The following MACROD2 variants were observed in gnomAD, a reference collection of about 807,000 sequenced individuals.
MACROD2 encodes mono-ADP ribosylhydrolase 2, also known as ADP-ribose glycohydrolase MACROD2.
A neutral mutation model predicts 70.4 loss-of-function variants in MACROD2; 36 were observed. The observed-to-expected ratio is 0.51, with a 90% CI of 0.39 to 0.68. The LOEUF is 0.68. Among genes scored for constraint, MACROD2 ranks in the 30% least tolerant of loss-of-function variants. The probability of loss-of-function intolerance (pLI) is 0.00; values close to 1 mark genes in which losing one functional copy is unlikely to be tolerated. For synonymous variants in MACROD2, 172 were observed against 178.8 expected (o/e 0.96, Z 0.30); for missense variants, 496 against 538.4 (o/e 0.92, Z 0.78).
chr20:14,348,198 G>A (rs1003895212), intron 3 of MACROD2, among the ~76,000 whole-genome samples: 1 of 151,718 alleles, frequency 6.6e-6, no homozygotes, highest in African/African-American at 2.4e-5. Context: ...GAGCCCAGGA[G>A]GTGGAGGTTG....
chr20:15,971,347 G>T (rs2066227633), intron 13 of MACROD2, among the ~76,000 whole-genome samples: 1 of 152,116 alleles, frequency 6.6e-6, no homozygotes, highest in South Asian at 2.1e-4. Context: ...AATCACAGGG[G>T]TGGGCGTTCC....
chr20:15,711,680 C>T (rs2050630873), intron 8 of MACROD2, among the ~76,000 whole-genome samples: 2 of 152,132 alleles, frequency 1.3e-5, no homozygotes, highest in Non-Finnish European at 2.9e-5. Context: ...AAAAACAGGT[C>T]GATGCTAGTA....
chr20:14,967,660 G>A (rs556062087), intron 5 of MACROD2, among the ~76,000 whole-genome samples: 103 of 152,182 alleles, frequency 6.8e-4, no homozygotes, highest in South Asian at 4.4e-3. Flanking sequence ...ATTGTTTCCT[G>A]TTTAAGTAAA....
At chr20:15,822,916 A>G (rs1044728027) in intron 8 of MACROD2, among the ~76,000 whole-genome samples, 2 of 152,176 alleles carry the variant, frequency 1.3e-5, no homozygotes, top group Non-Finnish European at 2.9e-5. Flanking sequence ...GTGTTCTGTG[A>G]TGCTCAGTAA....
chr20:15,649,207 CTTCTTTCT>C (rs146662837), intron 8 of MACROD2, among the ~76,000 whole-genome samples: 23,513 of 137,424 alleles, frequency 0.17, 2,187 homozygotes, highest in Non-Finnish European at 0.2. Flanking sequence ...TCTTTCTTTC[CTTCTTTCT>C]TTCTTTCTTT....
At chr20:14,730,491 G>C (rs976016470) in intron 5 of MACROD2, among the ~76,000 whole-genome samples, 5 of 152,116 alleles carry the variant, frequency 3.3e-5, no homozygotes, top group African/African-American at 9.7e-5. Context: ...AAGCTTCAGA[G>C]TGCTGGGAAC....
chr20:14,585,471 T>G (rs1296520935), intron 4 of MACROD2, among the ~76,000 whole-genome samples: 1 of 152,264 alleles, frequency 6.6e-6, no homozygotes, highest in East Asian at 1.9e-4. Flanking sequence ...GGTGCTTTAG[T>G]GCAATGACTT....
chr20:15,661,748 T>G (rs970491702), intron 8 of MACROD2, among the ~76,000 whole-genome samples: 1 of 152,142 alleles, frequency 6.6e-6, no homozygotes, highest in Non-Finnish European at 1.5e-5. Context: ...ATGGCAATAG[T>G]GTCAAGGATG....
intron 8 of MACROD2, among the ~76,000 whole-genome samples, chr20:15,564,851 T>A (rs1397363871): frequency 6.6e-6 from 1 of 152,230 alleles, no homozygotes; most frequent in African/African-American, 2.4e-5. Flanking sequence ...ATCTTGCCAC[T>A]TTACTTTTAA....
At chr20:14,171,490 T>A (rs988318741) in intron 3 of MACROD2, among the ~76,000 whole-genome samples, 1 of 152,218 alleles carries the variant, frequency 6.6e-6, no homozygotes, top group Non-Finnish European at 1.5e-5. Flanking sequence ...TGGACTTTCC[T>A]CCTAGTGCCA....
intron 5 of MACROD2, among the ~76,000 whole-genome samples, chr20:14,916,358 G>C (rs142101240): frequency 6.6e-6 from 1 of 152,168 alleles, no homozygotes; most frequent in Admixed American, 6.5e-5. Flanking sequence ...GGTGAGGGTA[G>C]GGGTGGGGTT....
At chr20:15,124,017 T>C (rs1469326603) in intron 5 of MACROD2, among the ~76,000 whole-genome samples, 1 of 152,200 alleles carries the variant, frequency 6.6e-6, no homozygotes, top group Non-Finnish European at 1.5e-5. Context: ...GATATTTCCA[T>C]GACTATATTC....
rs547466335 is a variant in MACROD2 at position 15,054,089 on chromosome 20, C to T, written c.419-175851C>T. 2.3e-4 allele frequency among the ~76,000 whole-genome samples: 35 copies of T among 152,248 alleles called. 1 individual carries two copies. Among genetic ancestry groups the T allele is most frequent in the African/African-American group, 8.2e-4 (34 of 41,554 alleles). ...GAATGGATGAGGGAATTGCTTCTTACGGATGAGCAAAGAAACTGGTTTATT... is the reference window on the plus strand; with the variant it reads ...GAATGGATGAGGGAATTGCTTCTTATGGATGAGCAAAGAAACTGGTTTATT... On this transcript the variant is annotated intron_variant, in intron 5 of 17. Transcript: ENST00000684519.
At chr20:14,840,826 T>A (rs557571153) in intron 5 of MACROD2, among the ~76,000 whole-genome samples, 1 of 152,202 alleles carries the variant, frequency 6.6e-6, no homozygotes, top group East Asian at 1.9e-4. Context: ...TATTTTATCA[T>A]GATTCTGATA....
Position 14,896,682 on chromosome 20 carries a change from G to A in MACROD2, c.418+211723G>A, listed in dbSNP as rs142304808. 1.8e-3 allele frequency among the ~76,000 whole-genome samples: 279 copies of A among 152,068 alleles called. 2 individuals are homozygous for A. The highest frequency in any genetic ancestry group is 6.5e-3 in the African/African-American group (268 of 41,498). On this transcript the variant is annotated intron_variant, in intron 5 of 17. Transcript: ENST00000684519. Reference sequence around the variant, plus strand: ...AAAAAATGACATCAAGCATTGATCTGCCTGAATAAAGCAATTCTACCAGTT... The same window carrying A: ...AAAAAATGACATCAAGCATTGATCTACCTGAATAAAGCAATTCTACCAGTT...
At chr20:15,476,851 T>C (rs2047028652) in intron 7 of MACROD2, among the ~76,000 whole-genome samples, 1 of 152,182 alleles carries the variant, frequency 6.6e-6, no homozygotes, top group Admixed American at 6.5e-5. Context: ...TTGATAAATG[T>C]GTTTGATTTC....
At chr20:14,287,054 T>C (rs2082350941) in intron 3 of MACROD2, among the ~76,000 whole-genome samples, 1 of 152,178 alleles carries the variant, frequency 6.6e-6, no homozygotes, top group Non-Finnish European at 1.5e-5. Flanking sequence ...GATAGGTCTG[T>C]TTTCTGTAGG....
chr20:15,431,300 A>G (rs2046360937), intron 6 of MACROD2, 105 bp from the exon 7 acceptor site: 3 of 989,170 alleles, frequency 3.0e-6, no homozygotes, highest in East Asian at 2.4e-5. Flanking sequence ...CTGAATATGT[A>G]AGTAGAGGGC....
chr20:14,683,349 G>A lies in MACROD2; in HGVS notation c.302-1494G>A, dbSNP rs140887501. ...AAATTTTATGCACAACTTTGTAACTGTGTGAGATACTACCATTATTGACAA... is the reference window on the plus strand; with the variant it reads ...AAATTTTATGCACAACTTTGTAACTATGTGAGATACTACCATTATTGACAA... On this transcript the variant is annotated intron_variant, in intron 4 of 17. Transcript: ENST00000684519. 5.4e-3 allele frequency among the ~76,000 whole-genome samples: 817 copies of A among 152,250 alleles called. 16 individuals are homozygous for A. The highest frequency in any genetic ancestry group is 0.019 in the African/African-American group (779 of 41,528).
Sources: gnomAD v4.1 joint callset for allele counts (sites outside exome capture counted in the v4.1 genomes callset) on GRCh38, gnomAD v4.1.1 for gene constraint, MANE v1.5 for transcripts, NCBI Gene and HGNC (gene_info 2026-07-23, HGNC 2026-07-21) for gene names.